RASGRP3: variants seen among roughly 807,000 people sequenced by gnomAD.
RASGRP3 encodes the protein RAS guanyl releasing protein 3.
A neutral mutation model predicts 82.7 loss-of-function variants in RASGRP3; 54 were observed. The observed-to-expected ratio is 0.65, with a 90% CI of 0.52 to 0.82. The LOEUF is 0.82. RASGRP3 is among the 40% of genes least tolerant of loss of function. RASGRP3 has a pLI of 0.00. For synonymous variants in RASGRP3, 309 were observed against 300.5 expected, an observed-to-expected ratio of 1.03 and a Z score of -0.29; for missense variants, 861 against 828.9, an observed-to-expected ratio of 1.04 and a Z score of -0.48.
chr2:33,527,115 C>G (rs2151035802), intron 9 of RASGRP3, 22 bp from the exon 10 acceptor site: 1 of 1,611,686 alleles, frequency 6.2e-7, no homozygotes, highest in East Asian at 2.2e-5. Context: ...TTTGAAAATT[C>G]TACTTTTCCA....
chr2:33,499,356 G>A (rs1258890928), intron 1 of RASGRP3, among the ~76,000 whole-genome samples: 5 of 152,170 alleles, frequency 3.3e-5, no homozygotes, highest in African/African-American at 9.6e-5. Context: ...TCAGGAGTTC[G>A]AGACCAGCCT....
At chr2:33,437,834 A>G (rs2150868331) in intron 1 of RASGRP3, among the ~76,000 whole-genome samples, 1 of 152,350 alleles carries the variant, frequency 6.6e-6, no homozygotes, top group South Asian at 2.1e-4. Context: ...GGTTAAAAAA[A>G]AAAAGAGAGG....
At chr2:33,450,240 G>C (rs942622654) in intron 2 of RASGRP3, among the ~76,000 whole-genome samples, 1 of 152,032 alleles carries the variant, frequency 6.6e-6, no homozygotes, top group Non-Finnish European at 1.5e-5. Flanking sequence ...CATTATTTTT[G>C]TGGTGAGAAC....
intron 7 of RASGRP3, 114 bp from the exon 8 acceptor site, chr2:33,523,765 A>G (rs1031402657): frequency 4.6e-6 from 5 of 1,096,774 alleles, no homozygotes; most frequent in Middle Eastern, 2.7e-4. Context: ...AATGTGAAAT[A>G]AAAGAAATTG....
intron 2 of RASGRP3, among the ~76,000 whole-genome samples, chr2:33,459,060 G>C (rs985220547): frequency 6.6e-6 from 1 of 152,062 alleles, no homozygotes; most frequent in Non-Finnish European, 1.5e-5. Context: ...TATGCCTGGT[G>C]GGATATAATG....
At chr2:33,536,864 G>A (rs1001514918) in intron 11 of RASGRP3, among the ~76,000 whole-genome samples, 2 of 152,126 alleles carry the variant, frequency 1.3e-5, no homozygotes, top group Admixed American at 6.5e-5. Flanking sequence ...CGTGGGGGCC[G>A]GGGAGAGTGC....
Position 33,527,201 on chromosome 2 carries a change from T to G in RASGRP3, c.872T>G (p.Phe291Cys). 1 of 1,614,070 alleles carries G rather than the reference T, an allele frequency of 6.2e-7. No homozygotes were observed. Among genetic ancestry groups the G allele is most frequent in the Non-Finnish European group, 8.5e-7 (1 of 1,179,898 alleles). ...AATTACTGCAATTACCGCAAGGCCT[T>G]TGCCGACTGCGATGGCTTCAAAATC... ...NGNYCNYRKA[F>C]ADCDGFKIPI... Residue 291 changes from phenylalanine (F) to cysteine (C), a missense_variant, in exon 10 of 18, where the codon TTT (phenylalanine) becomes TGT (cysteine). Phe to Cys is a radical substitution (Grantham distance 205). Transcript: ENST00000403687.
intron 1 of RASGRP3, among the ~76,000 whole-genome samples, chr2:33,500,062 G>A (rs997623626): frequency 6.6e-6 from 1 of 152,004 alleles, no homozygotes; most frequent in South Asian, 2.1e-4. Context: ...AGGGAGTAGG[G>A]GATTGCCAAG....
rs1392568258 is a variant in RASGRP3 at position 33,562,716 on chromosome 2, A to G, written c.2065-13A>G. 4 of 1,613,378 alleles carry G rather than the reference A, an allele frequency of 2.5e-6. No individual in the cohort carries two copies. Among genetic ancestry groups the G allele is most frequent in the South Asian group, 2.2e-5 (2 of 91,040 alleles). On this transcript the variant is annotated splice_polypyrimidine_tract_variant and intron_variant, in intron 17 of 17. Transcript: ENST00000403687. ...AGATCCAGCCATGCAATAGGTTCCA[A>G]TTTGTGTTTCAGGATGGCTGACTTC...
chr2:33,491,424 T>C (rs191523487), intron 1 of RASGRP3, among the ~76,000 whole-genome samples: 1 of 152,004 alleles, frequency 6.6e-6, no homozygotes, highest in East Asian at 1.9e-4. Context: ...GATTGATTAA[T>C]CAATTGGAAA....
chr2:33,464,664 A>G (rs148309318), intron 2 of RASGRP3, among the ~76,000 whole-genome samples: 7 of 151,968 alleles, frequency 4.6e-5, no homozygotes, highest in Non-Finnish European at 8.8e-5. Flanking sequence ...TTTTGAAGAG[A>G]TGGGGTTTCA....
At chr2:33,436,615 CTG>C (rs1169241787) in intron 1 of RASGRP3, 3 of 152,158 alleles carry the variant, frequency 2.0e-5, no homozygotes, top group African/African-American at 7.2e-5. Context: ...AAAAATCTGT[CTG>C]TTGTTGCGTC....
upstream of RASGRP3, among the ~76,000 whole-genome samples, chr2:33,472,822 G>C (rs895554177): frequency 4.2e-5 from 6 of 142,010 alleles, 1 homozygote; most frequent in Admixed American, 3.7e-4. Context: ...GGCGCGGTGG[G>C]TCACGCCTAT....
intron 14 of RASGRP3, among the ~76,000 whole-genome samples, chr2:33,551,994 AAAACAAACAAAC>A (rs201569860): frequency 3.7e-5 from 5 of 134,178 alleles, no homozygotes; most frequent in Middle Eastern, 7.0e-3. Flanking sequence ...CTCCATCTCA[AAAACAAACAAAC>A]AAACAAACAA....
intron 4 of RASGRP3, among the ~76,000 whole-genome samples, chr2:33,519,515 G>T (rs1421685355): frequency 6.6e-6 from 1 of 152,166 alleles, no homozygotes; most frequent in Non-Finnish European, 1.5e-5. Context: ...GCTGAGGCAG[G>T]AGAGTGGTGT....
upstream of RASGRP3, among the ~76,000 whole-genome samples, chr2:33,474,451 C>T (rs1421834251): frequency 2.6e-5 from 4 of 152,106 alleles, no homozygotes; most frequent in African/African-American, 9.7e-5. Context: ...GGTTCAAGCA[C>T]ACCACCACGC....
intron 11 of RASGRP3, among the ~76,000 whole-genome samples, chr2:33,535,296 A>G (rs1168143559): frequency 1.3e-5 from 2 of 152,234 alleles, no homozygotes; most frequent in Admixed American, 6.5e-5. Context: ...TGGATGGACT[A>G]TATTTTAGAT....
In RASGRP3 at chr2:33,564,544, TGAA is replaced by T. The variant is rs1377127640; in HGVS notation, c.*1811_*1813del. The T allele has an allele frequency of 1.3e-5, 2 of 152,210 alleles. No homozygotes were observed. Among genetic ancestry groups the T allele is most frequent in the Non-Finnish European group, 1.5e-5 (1 of 68,028 alleles). 9.4% of individuals were successfully genotyped at this position (152,210 alleles called of 1,614,324 possible). Reference sequence around the variant, plus strand: ...AAGCTTTTTGTGTGTTTAAAAAAATTGAAGAAAATTCAGGAAGAAACGTGTTAA... The same window carrying T: ...AAGCTTTTTGTGTGTTTAAAAAAATTGAAAATTCAGGAAGAAACGTGTTAA... On this transcript the variant is annotated 3_prime_UTR_variant, in exon 18 of 18. Transcript: ENST00000403687.
At chr2:33,507,898 G>A (rs1275559852) in intron 1 of RASGRP3, among the ~76,000 whole-genome samples, 2 of 152,224 alleles carry the variant, frequency 1.3e-5, no homozygotes, top group Non-Finnish European at 2.9e-5. Flanking sequence ...CTATACTGTG[G>A]ATGGGGAAAC....
Sources: gnomAD v4.1 joint callset for allele counts (sites outside exome capture counted in the v4.1 genomes callset) on GRCh38, gnomAD v4.1.1 for gene constraint, MANE v1.5 for transcripts, NCBI Gene and HGNC (gene_info 2026-07-23, HGNC 2026-07-21) for gene names.